CLSPN: variants seen among roughly 807,000 people sequenced by gnomAD.
The protein encoded by CLSPN is claspin, also known as claspin homolog.
CLSPN carries 85 observed loss-of-function variants against 156.3 expected under a neutral mutation model. That is an observed-to-expected ratio of 0.54 (90% CI 0.46 to 0.65). The LOEUF is 0.65. Ranked by LOEUF, CLSPN falls within the 30% of genes least tolerant of loss-of-function variation. The pLI, the probability that CLSPN is intolerant of heterozygous loss-of-function variation, is 0.00. For synonymous variants in CLSPN, 534 were observed against 542.4 expected (o/e 0.98, Z 0.22); for missense variants, 1,407 against 1,554.9 (o/e 0.90, Z 1.60).
chr1:35,723,919 A>G (rs889954275), intron 24 of CLSPN, among the ~76,000 whole-genome samples: 2 of 152,186 alleles, frequency 1.3e-5, no homozygotes, highest in Admixed American at 6.5e-5. Context: ...TGAACTTGGG[A>G]GGCAGAGGTT....
chr1:35,769,238 G>C (rs1642776974), intron 1 of CLSPN, among the ~76,000 whole-genome samples: 1 of 152,174 alleles, frequency 6.6e-6, no homozygotes, highest in South Asian at 2.1e-4. Flanking sequence ...CCCGAATCCG[G>C]CCCAGAAAGG....
At chr1:35,729,535 A>C (rs888100952), downstream of CLSPN, among the ~76,000 whole-genome samples, 1 of 152,216 alleles carries the variant, frequency 6.6e-6, no homozygotes, top group East Asian at 1.9e-4. Flanking sequence ...GATGGTACAG[A>C]CCAAGACAAT....
rs959433554 is a variant in CLSPN at position 35,746,038 on chromosome 1, G to A, written c.2855-476C>T. Among the ~76,000 whole-genome samples, 59 of 150,844 alleles carry A rather than the reference G, an allele frequency of 3.9e-4. No individual in the cohort carries two copies. The highest frequency in any genetic ancestry group is 1.4e-3 in the African/African-American group (56 of 41,004). On this transcript the variant is annotated intron_variant, in intron 15 of 24. Transcript: ENST00000318121. This position sits in a 1 kb window ranked among gnomAD's most constrained non-coding sequence, Gnocchi z 4.2. ...TCGGCTCACTGCAACCTCCACCTCC[G>A]GGGTTCAAGCAGTTCTCCTGTCTCA...
chr1:35,743,457 C>T lies in CLSPN; in HGVS notation c.3040G>A (p.Glu1014Lys). Residue 1014 changes from glutamate to lysine, a missense_variant and splice_region_variant, in exon 17 of 25, where the codon GAG becomes AAG. Glu to Lys is a moderately conservative substitution (Grantham distance 56, BLOSUM62 1). Coordinates refer to ENST00000318121, the MANE Select transcript of CLSPN (RefSeq NM_022111.4). The stretch of plus-strand genomic sequence containing the variant: ...TACTTTGTTCCCTTCATACTCACCT[C>T]ATCACTATCAAACTCATTATCATTT... Reference protein sequence around the residue: ...VSNDNEFDSDEDEHSDSGNDL... With the variant: ...VSNDNEFDSDKDEHSDSGNDL... 6.2e-7 allele frequency: 1 copy of T among 1,612,218 alleles called. No individual in the cohort carries two copies. The highest frequency in any genetic ancestry group is 8.5e-7 in the Non-Finnish European group (1 of 1,178,344).
intron 18 of CLSPN, among the ~76,000 whole-genome samples, chr1:35,741,921 C>T (rs911925413): frequency 7.2e-6 from 1 of 138,404 alleles, no homozygotes; most frequent in Non-Finnish European, 1.5e-5. Context: ...TTGCAGTGAG[C>T]CGAGATCATG....
intron 3 of CLSPN, among the ~76,000 whole-genome samples, chr1:35,763,538 C>CTTCATTGCAGCCTCGACTTCCTGGGCTCA (rs1642557804): frequency 1.3e-5 from 2 of 148,788 alleles, no homozygotes; most frequent in African/African-American, 5.2e-5. Context: ...ACTTAATAAA[C>CTTCATTGCAGCCTCGACTTCCTGGGCTCA]AGTAAATATT....
intron 24 of CLSPN, among the ~76,000 whole-genome samples, chr1:35,727,026 C>T (rs1641206524): frequency 6.6e-6 from 1 of 152,188 alleles, no homozygotes; most frequent in African/African-American, 2.4e-5. Flanking sequence ...TGCTGCTGCC[C>T]TCTGGTGGGC....
intron 4 of CLSPN, among the ~76,000 whole-genome samples, chr1:35,762,756 A>T (rs1349430745): frequency 6.6e-6 from 1 of 152,202 alleles, no homozygotes; most frequent in African/African-American, 2.4e-5. Context: ...CTTAGGAAGA[A>T]AAATTATGCT....
chr1:35,722,910 C>T (rs984145189), intron 24 of CLSPN, among the ~76,000 whole-genome samples: 2 of 152,152 alleles, frequency 1.3e-5, no homozygotes, highest in East Asian at 1.9e-4. Context: ...GGATTACAGG[C>T]GTGAACCACC....
chr1:35,752,934 A>G (rs921527396), intron 9 of CLSPN, among the ~76,000 whole-genome samples: 2 of 152,230 alleles, frequency 1.3e-5, no homozygotes, highest in African/African-American at 2.4e-5. Flanking sequence ...CTTTGGGAAG[A>G]CTAGTTTTTC....
intron 24 of CLSPN, among the ~76,000 whole-genome samples, chr1:35,726,000 C>G (rs74064278): frequency 0.095 from 14,475 of 151,792 alleles, 1,095 homozygotes; most frequent in African/African-American, 0.21. Flanking sequence ...TCCTCTTCCT[C>G]GTAAGGAAGT....
intron 24 of CLSPN, among the ~76,000 whole-genome samples, chr1:35,722,436 G>A (rs1330602958): frequency 6.6e-6 from 1 of 151,566 alleles, no homozygotes; most frequent in East Asian, 2.0e-4. Flanking sequence ...TTTTAGTAGA[G>A]GCAGGATTTC....
chr1:35,762,320 C>A, intron 5 of CLSPN, 84 bp downstream of exon 5: 7 of 1,241,258 alleles, frequency 5.6e-6, no homozygotes, highest in Non-Finnish European at 8.1e-6. Flanking sequence ...ATATGATAGA[C>A]AAAATAAAAT....
In CLSPN at chr1:35,733,633, C is replaced by T; in HGVS notation, c.*2863G>A. 1 of 985,362 alleles carries T rather than the reference C, an allele frequency of 1.0e-6. No individual in the cohort carries two copies. The allele number at this position is 985,362 out of a possible 1,614,324, so 61.0% of individuals were successfully genotyped here. ...AAGAGGCAAAAACATGTATCTTGAACCCATGGATAAAATGAAGTACATACA... is the reference window on the plus strand; with the variant it reads ...AAGAGGCAAAAACATGTATCTTGAATCCATGGATAAAATGAAGTACATACA... On this transcript the variant is annotated 3_prime_UTR_variant, in exon 25 of 25. Transcript: ENST00000318121.
chr1:35,735,300 A>T lies in CLSPN; in HGVS notation c.*1196T>A, dbSNP rs1641427334. The T allele has an allele frequency of 2.0e-6, 2 of 985,354 alleles. No homozygotes were observed. The highest frequency in any genetic ancestry group is 3.5e-5 in the African/African-American group (2 of 57,250). The allele number at this position is 985,354 out of a possible 1,614,324, so 61.0% of individuals were successfully genotyped here. A position where few individuals can be genotyped will look rare whatever the true frequency, so the allele number is the denominator to read the frequency against. On this transcript the variant is annotated 3_prime_UTR_variant, in exon 25 of 25. Transcript: ENST00000318121. ...GTACCAGTTTAAGTCCTTATTAAGC[A>T]GCAAAAATTAATTCAAAATTTGATG...
chr1:35,721,106 T>A, intron 24 of CLSPN: 1 of 621,846 alleles, frequency 1.6e-6, no homozygotes, highest in South Asian at 2.1e-5. Context: ...TTGCCAAGCC[T>A]AACTTGAGTG....
chr1:35,739,138 A>G lies in CLSPN; in HGVS notation c.3428T>C (p.Ile1143Thr). ...GRMRKFRWKN[I>T]DDASQMDLFH... The stretch of plus-strand genomic sequence containing the variant: ...TTTAAAGACAACAACCAAGATACCT[A>G]TGTTTTTCCATCGAAACTTCCTCAT... The change falls in exon 20 of 25, where the codon ATA (isoleucine) becomes ACA (threonine). Residue 1143 changes from isoleucine (I) to threonine (T), a missense_variant and splice_region_variant. Physicochemically the swap from Ile to Thr is moderately conservative, Grantham distance 89. Transcript: ENST00000318121. 1 of 1,614,138 alleles carries G rather than the reference A, an allele frequency of 6.2e-7. No homozygotes were observed.
At position 35,737,704 on chromosome 1, in the gene CLSPN, C is replaced by T. The variant is rs1489580120; in HGVS notation, c.3665-283G>A. ...TCCTGGATTCAAATCCTACCTCTAA[C>T]ACTTAGGTATACAATCCTGGGCAAC... On this transcript the variant is annotated intron_variant, in intron 22 of 24. Transcript: ENST00000318121. The T allele has an allele frequency of 1.5e-4, 69 of 463,290 alleles. No homozygotes were observed. In the Admixed American group the frequency reaches 2.3e-3, roughly 15 times the overall value. 28.7% of individuals were successfully genotyped at this position (463,290 alleles called of 1,614,324 possible).
chr1:35,761,673 C>T (rs1642481873), intron 6 of CLSPN, among the ~76,000 whole-genome samples: 1 of 152,032 alleles, frequency 6.6e-6, no homozygotes, highest in African/African-American at 2.4e-5. Context: ...TTTTTAAGTT[C>T]CATGGACCAT....
Sources: allele counts gnomAD v4.1 joint callset (sites outside exome capture counted in the v4.1 genomes callset), GRCh38; gene constraint gnomAD v4.1.1; non-coding constraint Gnocchi (gnomAD v3.1); transcripts MANE v1.5; gene names NCBI Gene and HGNC (gene_info 2026-07-23, HGNC 2026-07-21).